The following GABRB1 variants were observed in gnomAD, a reference collection of about 807,000 sequenced individuals.
The protein encoded by GABRB1 is gamma-aminobutyric acid type A receptor subunit beta1.
A neutral mutation model predicts 51.6 loss-of-function variants in GABRB1; 17 were observed. That is an observed-to-expected ratio of 0.33 (90% confidence interval 0.23 to 0.49). The LOEUF (loss-of-function observed/expected upper bound fraction) is 0.49. Ranked by LOEUF, GABRB1 falls within the 20% of genes least tolerant of loss-of-function variation. The probability of loss-of-function intolerance (pLI) is 0.99; values close to 1 mark genes in which losing one functional copy is unlikely to be tolerated. For synonymous variants in GABRB1, 247 were observed against 218.9 expected, an observed-to-expected ratio of 1.13 and a Z score of -1.14; for missense variants, 410 against 600.6, an observed-to-expected ratio of 0.68 and a Z score of 3.32.
At chr4:47,325,350 A>C (rs1280138383) in intron 5 of GABRB1, among the ~76,000 whole-genome samples, 1 of 150,970 alleles carries the variant, frequency 6.6e-6, no homozygotes, top group Non-Finnish European at 1.5e-5. Context: ...CAGGGGAATC[A>C]TTTGAACTTG....
In GABRB1 at chr4:47,425,297, G is replaced by A. The variant is rs573770634; in HGVS notation, c.1081-377G>A. On this transcript the variant is annotated intron_variant, in intron 8 of 8. Coordinates refer to ENST00000295454, the MANE Select transcript of GABRB1 (RefSeq NM_000812.4). The stretch of plus-strand genomic sequence containing the variant: ...CGAGATGTTAATGATTGACTCTGAA[G>A]GTGAGATTATGAATTTTTACTTTTT... 4.6e-5 allele frequency among the ~76,000 whole-genome samples: 7 copies of A among 151,578 alleles called. No individual in the cohort carries two copies. In the East Asian group the frequency reaches 1.4e-3, roughly 29 times the overall value.
At chr4:47,229,332 T>C (rs906352876) in intron 4 of GABRB1, among the ~76,000 whole-genome samples, 2 of 152,106 alleles carry the variant, frequency 1.3e-5, no homozygotes, top group Admixed American at 1.3e-4. Context: ...GCCAAATGTA[T>C]GACAACGAAA....
chr4:47,196,024 C>A (rs1373437392), intron 4 of GABRB1, among the ~76,000 whole-genome samples: 1 of 152,212 alleles, frequency 6.6e-6, no homozygotes. Flanking sequence ...TGTAGTAGTA[C>A]TGAACATCTT....
intron 3 of GABRB1, among the ~76,000 whole-genome samples, chr4:47,099,841 A>C (rs1274675363): frequency 1.3e-5 from 2 of 151,500 alleles, no homozygotes; most frequent in Non-Finnish European, 2.9e-5. Flanking sequence ...CTTAAAAAAA[A>C]ACAACCAAAC....
rs182427413 is a variant in GABRB1, at chr4:47,265,129, A to G, written c.462-54998A>G. Among the ~76,000 whole-genome samples the G allele has an allele frequency of 1.6e-3, 247 of 152,196 alleles. 1 individual carries two copies. Among genetic ancestry groups the G allele is most frequent in the Admixed American group, 2.5e-3 (38 of 15,280 alleles). On this transcript the variant is annotated intron_variant, in intron 4 of 8. Coordinates refer to ENST00000295454, the MANE Select transcript of GABRB1 (RefSeq NM_000812.4). ...TCCCCTCTCAATTTTCTGAGTAACCAATATCTATTATTCCACTCTGTGTAC... is the reference window on the plus strand; with the variant it reads ...TCCCCTCTCAATTTTCTGAGTAACCGATATCTATTATTCCACTCTGTGTAC...
At chr4:47,273,523 A>T (rs1342604936) in intron 4 of GABRB1, among the ~76,000 whole-genome samples, 1 of 152,166 alleles carries the variant, frequency 6.6e-6, no homozygotes, top group Non-Finnish European at 1.5e-5. Context: ...TTCTGGGCAC[A>T]GTAGGACAAA....
chr4:47,177,531 T>A (rs905064667), intron 4 of GABRB1, among the ~76,000 whole-genome samples: 13 of 152,208 alleles, frequency 8.5e-5, no homozygotes, highest in Non-Finnish European at 1.3e-4. Context: ...TTAGTGACCC[T>A]AATGTGAAAA....
chr4:47,069,573 C>T (rs534583187), intron 3 of GABRB1, among the ~76,000 whole-genome samples: 51 of 152,214 alleles, frequency 3.4e-4, no homozygotes, highest in African/African-American at 1.2e-3. Context: ...CCAGCTTATA[C>T]CCTCAGGAAC....
intron 5 of GABRB1, among the ~76,000 whole-genome samples, chr4:47,365,068 G>A (rs1010555916): frequency 1.8e-4 from 27 of 152,286 alleles, no homozygotes; most frequent in African/African-American, 6.5e-4. Flanking sequence ...ACAAAGAGAG[G>A]AAAGCAGTGA....
intron 5 of GABRB1, among the ~76,000 whole-genome samples, chr4:47,380,206 G>A (rs1186263393): frequency 1.3e-5 from 2 of 152,188 alleles, no homozygotes; most frequent in Non-Finnish European, 2.9e-5. Context: ...AGAATTAAAG[G>A]TTTATTTTAT....
intron 8 of GABRB1, among the ~76,000 whole-genome samples, chr4:47,409,891 C>CA (rs571584106): frequency 1.3e-5 from 2 of 152,194 alleles, no homozygotes; most frequent in South Asian, 4.1e-4. Flanking sequence ...TGAATAAAGG[C>CA]AGGAGGAAAG....
intron 5 of GABRB1, among the ~76,000 whole-genome samples, chr4:47,323,747 T>C (rs1378317747): frequency 6.6e-6 from 1 of 152,204 alleles, no homozygotes; most frequent in African/African-American, 2.4e-5. Context: ...AATGTTTTCC[T>C]TGGTTGGGTC....
At chr4:47,192,138 T>C (rs999809494) in intron 4 of GABRB1, among the ~76,000 whole-genome samples, 4 of 152,012 alleles carry the variant, frequency 2.6e-5, no homozygotes, top group Admixed American at 6.6e-5. Context: ...CCACATAAGA[T>C]GGAATCGTAC....
intron 5 of GABRB1, among the ~76,000 whole-genome samples, chr4:47,384,216 T>C (rs939589606): frequency 6.6e-6 from 1 of 152,096 alleles, no homozygotes; most frequent in Non-Finnish European, 1.5e-5. Flanking sequence ...CCATATATAA[T>C]CTTTGTTATA....
intron 4 of GABRB1, among the ~76,000 whole-genome samples, chr4:47,212,215 T>G (rs1720385981): frequency 6.6e-6 from 1 of 152,186 alleles, no homozygotes; most frequent in Non-Finnish European, 1.5e-5. Flanking sequence ...AAATAAGTAC[T>G]CTGTCCTCAT....
chr4:47,223,248 GTATAT>G (rs1334491235), intron 4 of GABRB1, among the ~76,000 whole-genome samples: 2 of 151,924 alleles, frequency 1.3e-5, no homozygotes, highest in Non-Finnish European at 2.9e-5. Flanking sequence ...AGAATCGAAA[GTATAT>G]TATTTTACTA....
chr4:47,217,349 T>C (rs1720593795), intron 4 of GABRB1, among the ~76,000 whole-genome samples: 1 of 151,814 alleles, frequency 6.6e-6, no homozygotes, highest in South Asian at 2.1e-4. Context: ...ATCCATATTA[T>C]TTTTCATATC....
intron 8 of GABRB1, among the ~76,000 whole-genome samples, chr4:47,415,373 A>G (rs903491872): frequency 6.7e-6 from 1 of 149,510 alleles, no homozygotes; most frequent in East Asian, 1.9e-4. Flanking sequence ...CTTTGTTTTG[A>G]CCCTTCCCTC....
chr4:47,031,049 C>T (rs1725271932), upstream of GABRB1, among the ~76,000 whole-genome samples: 1 of 152,120 alleles, frequency 6.6e-6, no homozygotes, highest in African/African-American at 2.4e-5. Flanking sequence ...CCCAAGGGCA[C>T]CTAATTTTTG....
Sources: gnomAD v4.1 joint callset for allele counts (sites outside exome capture counted in the v4.1 genomes callset) on GRCh38, gnomAD v4.1.1 for gene constraint, MANE v1.5 for transcripts, NCBI Gene and HGNC (gene_info 2026-07-23, HGNC 2026-07-21) for gene names.